The following AFF4 variants were observed in gnomAD, a reference collection of about 807,000 sequenced individuals.
AFF4 encodes ALF transcription elongation factor 4.
In AFF4, 13 loss-of-function variants were observed where a neutral mutation model predicts 124.8. The observed-to-expected ratio is 0.10, with a 90% CI of 0.07 to 0.17. The LOEUF is 0.17. Among genes scored for constraint, AFF4 ranks in the 10% least tolerant of loss-of-function variants. The pLI, the probability that AFF4 is intolerant of heterozygous loss-of-function variation, is 1.00. For missense variants in AFF4, 1,092 were observed against 1,403.8 expected (o/e 0.78, Z 3.55); for synonymous variants, 477 against 496.1 (o/e 0.96, Z 0.51).
chr5:132,941,697 T>G lies in AFF4; in HGVS notation c.-4-4504A>C, dbSNP rs77483560. ...TCCTTCTAACACCAGATGTGTGGGG[T>G]TTTTTTTCGCACGCACAAGCAAGCA... On this transcript the variant is annotated intron_variant, in intron 1 of 20. Coordinates refer to ENST00000265343, the MANE Select transcript of AFF4 (RefSeq NM_014423.4). 1.7e-4 allele frequency among the ~76,000 whole-genome samples: 25 copies of G among 151,162 alleles called. 1 individual carries two copies. Among genetic ancestry groups the G allele is most frequent in the African/African-American group, 4.6e-4 (19 of 41,122 alleles).
At chr5:132,919,467 G>A (rs1449145510) in intron 5 of AFF4, among the ~76,000 whole-genome samples, 1 of 152,150 alleles carries the variant, frequency 6.6e-6, no homozygotes, top group African/African-American at 2.4e-5. Context: ...CATACAAGAG[G>A]ATAAAACTTC....
At chr5:132,932,109 A>C in intron 4 of AFF4, 69 bp downstream of exon 4, 1 of 1,128,582 alleles carries the variant, frequency 8.9e-7, no homozygotes. Flanking sequence ...TACAGGTAGA[A>C]AGAGGGTAAG....
intron 5 of AFF4, among the ~76,000 whole-genome samples, chr5:132,915,544 C>G (rs1362793230): frequency 6.8e-6 from 1 of 147,088 alleles, no homozygotes; most frequent in Non-Finnish European, 1.5e-5. Flanking sequence ...TTATACTGCA[C>G]TTTGACCCAC....
chr5:132,934,428 G>A lies in AFF4; in HGVS notation c.637C>T (p.Pro213Ser). ...HSKEHQRSKS[P>S]RDPDANWDSP... Reference sequence around the variant, plus strand: ...TCCCAGTTTGCATCAGGGTCCCGAGGTGATTTGGAGCGTTGATGTTCCTTG... The same window carrying A: ...TCCCAGTTTGCATCAGGGTCCCGAGATGATTTGGAGCGTTGATGTTCCTTG... Residue 213 changes from proline (P) to serine (S), a missense_variant, in exon 3 of 21, where the codon CCT (proline) becomes TCT (serine). By Grantham distance (74) the Pro-to-Ser change is moderately conservative. Transcript: ENST00000265343. 1.2e-6 allele frequency: 2 copies of A among 1,614,178 alleles called. No homozygotes were observed. The highest frequency in any genetic ancestry group is 1.7e-6 in the Non-Finnish European group (2 of 1,180,038).
chr5:132,956,655 G>A (rs1436478128), intron 1 of AFF4, among the ~76,000 whole-genome samples: 7 of 149,696 alleles, frequency 4.7e-5, no homozygotes, highest in African/African-American at 1.7e-4. Context: ...AAAAGAGAGA[G>A]CGAGAGAAAG....
intron 1 of AFF4, among the ~76,000 whole-genome samples, chr5:132,955,638 C>T (rs111922876): frequency 0.12 from 17,428 of 151,376 alleles, 1,274 homozygotes; most frequent in South Asian, 0.2. Flanking sequence ...AGTAGCCGGG[C>T]GTGGTGGCGG....
intron 5 of AFF4, among the ~76,000 whole-genome samples, chr5:132,925,363 G>A (rs1287100480): frequency 6.6e-6 from 1 of 151,120 alleles, no homozygotes; most frequent in African/African-American, 2.4e-5. Flanking sequence ...AAAATAAGAG[G>A]GTATGTTTAT....
intron 5 of AFF4, among the ~76,000 whole-genome samples, chr5:132,914,438 T>C (rs919600106): frequency 6.6e-6 from 1 of 151,336 alleles, no homozygotes. Context: ...CCGTCTCTAA[T>C]AAAAATACAA....
intron 5 of AFF4, among the ~76,000 whole-genome samples, chr5:132,918,965 C>A (rs1276235294): frequency 6.6e-6 from 1 of 151,342 alleles, no homozygotes. Context: ...TCTTAGCTGA[C>A]TGCAACCTCT....
rs750981962 is a variant in AFF4 at position 132,897,051 on chromosome 5, C to T, written c.1579G>A (p.Ala527Thr). The T allele has an allele frequency of 1.1e-5, 18 of 1,614,046 alleles. No individual in the cohort carries two copies. In the East Asian group the frequency reaches 1.3e-4, roughly 12 times the overall value. ...GTTTTGGAGTCTCGTCCCGGAGTAG[C>T]GGAACTCGTTTCTTTAGGTCCACTT... ...DTSGPKETSS[A>T]TPGRDSKTIQ... The change falls in exon 11 of 21, where the codon GCT becomes ACT. Residue 527 changes from alanine to threonine, a missense_variant. Around this residue, in one of 11 missense-constraint regions of AFF4, gnomAD observed 174 missense variants for 205.9 expected, o/e 0.84. Transcript: ENST00000265343.
chr5:132,930,478 G>A (rs965784001), intron 4 of AFF4, among the ~76,000 whole-genome samples: 1 of 152,118 alleles, frequency 6.6e-6, no homozygotes, highest in Non-Finnish European at 1.5e-5. Context: ...GATGGAGGGA[G>A]AAAGATAATG....
In AFF4 at chr5:132,889,187, T is replaced by C. The variant is rs1760194817; in HGVS notation, c.2638-14A>G. The C allele has an allele frequency of 6.4e-7, 1 of 1,567,676 alleles. No homozygotes were observed. The highest frequency in any genetic ancestry group is 8.8e-7 in the Non-Finnish European group (1 of 1,138,942). On this transcript the variant is annotated splice_polypyrimidine_tract_variant and intron_variant, in intron 13 of 20. Coordinates refer to ENST00000265343, the MANE Select transcript of AFF4 (RefSeq NM_014423.4). ...TGGAGCCTTTTCCTGACCAAAAAAA[T>C]ATATAACTACAATGAAAACCGTAAG...
Position 132,878,620 on chromosome 5 carries a change from T to C in AFF4, c.*2439A>G, listed in dbSNP as rs893268295. 3.1e-5 allele frequency: 7 copies of C among 228,966 alleles called. No individual in the cohort carries two copies. Among genetic ancestry groups the C allele is most frequent in the Non-Finnish European group, 6.1e-5 (7 of 115,224 alleles). The allele number at this position is 228,966 out of a possible 1,614,324, so 14.2% of individuals were successfully genotyped here. On this transcript the variant is annotated 3_prime_UTR_variant, in exon 21 of 21. Coordinates refer to ENST00000265343, the MANE Select transcript of AFF4 (RefSeq NM_014423.4). ...ATGACATTGAAAATTCAATCATTTATGATAGGATTTTGATCCATTGCCCAT... is the reference window on the plus strand; with the variant it reads ...ATGACATTGAAAATTCAATCATTTACGATAGGATTTTGATCCATTGCCCAT...
rs202005193 is a variant in AFF4 at position 132,881,038 on chromosome 5, G to T, written c.*21C>A. On this transcript the variant is annotated 3_prime_UTR_variant, in exon 21 of 21. Coordinates refer to ENST00000265343, the MANE Select transcript of AFF4 (RefSeq NM_014423.4). ...ACACAGTGTTGTGGAGAAAATCAGA[G>T]GCAACGAGAATGTGTTCAGTTCAAG... The T allele has an allele frequency of 2.0e-5, 32 of 1,608,294 alleles. No individual in the cohort carries two copies. The Admixed American group carries it at 2.7e-4, about 14-fold the overall frequency.
Position 132,896,824 on chromosome 5 carries a change from T to C in AFF4, c.1806A>G (p.Lys602=). The C allele has an allele frequency of 2.5e-6, 4 of 1,614,086 alleles. No individual in the cohort carries two copies. Among genetic ancestry groups the C allele is most frequent in the Non-Finnish European group, 3.4e-6 (4 of 1,180,016 alleles). The part of the protein sequence containing the change: ...LASSMPSSRH[K]AATKGSRKPN... ...GTTTCCTTGAGCCTTTGGTGGCTGC[T>C]TTGTGTCTGCTGGAGGGCATGCTGC... The change falls in exon 11 of 21, where the codon AAA becomes AAG. Residue 602 remains lysine (K), a synonymous_variant. Transcript: ENST00000265343.
In AFF4 at chr5:132,880,659, T is replaced by TG; in HGVS notation, c.*399_*400insC. Reference sequence around the variant, plus strand: ...GGTATATAAATAAAAATGTCTACATTAAATTTATGCTAAATATTCAACAGA... The same window carrying TG: ...GGTATATAAATAAAAATGTCTACATTGAAATTTATGCTAAATATTCAACAGA... On this transcript the variant is annotated 3_prime_UTR_variant, in exon 21 of 21. Coordinates refer to ENST00000265343, the MANE Select transcript of AFF4 (RefSeq NM_014423.4). 3.2e-6 allele frequency: 1 copy of TG among 311,722 alleles called. No individual in the cohort carries two copies. The highest frequency in any genetic ancestry group is 4.9e-5 in the Admixed American group (1 of 20,298). 19.3% of individuals were successfully genotyped at this position (311,722 alleles called of 1,614,324 possible). A position where few individuals can be genotyped will look rare whatever the true frequency, so the allele number is the denominator to read the frequency against.
intron 11 of AFF4, 91 bp downstream of exon 11, chr5:132,896,232 G>C (rs1247401213): frequency 2.1e-6 from 3 of 1,442,706 alleles, no homozygotes; most frequent in Non-Finnish European, 2.8e-6. Flanking sequence ...CACAGCTTAT[G>C]ACCCACCTTG....
chr5:132,934,098 A>G, intron 3 of AFF4, 49 bp downstream of exon 3: 2 of 1,544,322 alleles, frequency 1.3e-6, no homozygotes, highest in Non-Finnish European at 1.8e-6. Context: ...ATGATCAGTC[A>G]ATTGCTTCAC....
chr5:132,951,107 C>T (rs1408353932), intron 1 of AFF4, among the ~76,000 whole-genome samples: 1 of 152,022 alleles, frequency 6.6e-6, no homozygotes, highest in Non-Finnish European at 1.5e-5. Flanking sequence ...AACCTGTAGT[C>T]CTAGCTACTC....
Sources: gnomAD v4.1 joint callset for allele counts (sites outside exome capture counted in the v4.1 genomes callset) on GRCh38, gnomAD v4.1.1 for gene constraint, gnomAD v4.1.1 regional missense constraint, MANE v1.5 for transcripts, NCBI Gene and HGNC (gene_info 2026-07-23, HGNC 2026-07-21) for gene names.